Variants in VWA8 observed in about 807,000 individuals in gnomAD.
The protein encoded by VWA8 is von Willebrand factor A domain containing 8.
Under a neutral mutation model 241.5 loss-of-function variants are expected in VWA8, and 221 were observed. The observed-to-expected ratio is 0.91, with a 90% CI of 0.82 to 1.02. VWA8 has a LOEUF of 1.02. Among genes scored for constraint, VWA8 ranks in the 50% least tolerant of loss-of-function variants. The probability of loss-of-function intolerance (pLI) is 0.00; values close to 1 mark genes in which losing one functional copy is unlikely to be tolerated. For synonymous variants in VWA8, 852 were observed against 827.1 expected (o/e 1.03, Z -0.52); for missense variants, 2,322 against 2,328.7 (o/e 1.00, Z 0.06).
intron 37 of VWA8, among the ~76,000 whole-genome samples, chr13:41,652,375 A>G (rs6561008): frequency 0.039 from 5,948 of 152,290 alleles, 145 homozygotes; most frequent in South Asian, 0.078. Context: ...GTGAGCCTGG[A>G]CAAATTACTT....
intron 37 of VWA8, among the ~76,000 whole-genome samples, chr13:41,646,431 T>C (rs2044833014): frequency 6.6e-6 from 1 of 152,234 alleles, no homozygotes; most frequent in African/African-American, 2.4e-5. Flanking sequence ...CTGATATTCA[T>C]AATTCTCCAT....
intron 17 of VWA8, among the ~76,000 whole-genome samples, chr13:41,796,928 T>G (rs1466901242): frequency 2.6e-5 from 4 of 152,222 alleles, no homozygotes; most frequent in African/African-American, 9.6e-5. Flanking sequence ...AAATAGGCTT[T>G]TAAGTGTATT....
In VWA8 at chr13:41,831,964, C is replaced by T. The variant is rs556640431; in HGVS notation, c.1587-1322G>A. On this transcript the variant is annotated intron_variant, in intron 13 of 44. Transcript: ENST00000379310. ...TCTTTTTTTTTGAGACAGAGTCTCG[C>T]TCTGTCACCAGGCTGGAGTGCAGTG... Among the ~76,000 whole-genome samples, 11 of 149,296 alleles carry T rather than the reference C, an allele frequency of 7.4e-5. No individual in the cohort carries two copies. In the South Asian group the frequency reaches 2.1e-3, roughly 29 times the overall value.
At chr13:41,820,914 C>T (rs1242817991) in intron 14 of VWA8, among the ~76,000 whole-genome samples, 2 of 152,142 alleles carry the variant, frequency 1.3e-5, no homozygotes, top group Admixed American at 1.3e-4. Flanking sequence ...CCTCTTCTCT[C>T]CTAGTTAGGA....
chr13:41,882,360 C>T (rs9590646), intron 9 of VWA8, among the ~76,000 whole-genome samples: 119,812 of 147,522 alleles, frequency 0.81, 49,237 homozygotes, highest in East Asian at 1. Context: ...TCCCAGACGA[C>T]GGGCGGCCAG....
chr13:41,643,317 T>A (rs946816588), intron 37 of VWA8, among the ~76,000 whole-genome samples: 3 of 152,204 alleles, frequency 2.0e-5, no homozygotes. Context: ...GTTTGTGTGA[T>A]CCTGAACTTT....
intron 24 of VWA8, 119 bp from the exon 25 acceptor site, chr13:41,721,694 CCAA>C: frequency 9.8e-7 from 1 of 1,025,592 alleles, no homozygotes; most frequent in South Asian, 1.7e-5. Flanking sequence ...GAAAGCCCAT[CCAA>C]CAATAGGATG....
chr13:41,602,818 GAT>G (rs748671622), intron 40 of VWA8, among the ~76,000 whole-genome samples: 4 of 152,068 alleles, frequency 2.6e-5, no homozygotes, highest in Non-Finnish European at 5.9e-5. Context: ...TGACAATGAC[GAT>G]GTAAAGCACC....
intron 37 of VWA8, among the ~76,000 whole-genome samples, chr13:41,659,326 C>G (rs922834128): frequency 6.6e-6 from 1 of 152,238 alleles, no homozygotes; most frequent in Non-Finnish European, 1.5e-5. Context: ...CTTAACAGCT[C>G]TGTGCTTCGG....
chr13:41,948,436 A>AT (rs1566048910), intron 2 of VWA8, among the ~76,000 whole-genome samples: 1 of 152,232 alleles, frequency 6.6e-6, no homozygotes, highest in African/African-American at 2.4e-5. Context: ...AAAACGTTAG[A>AT]TAACAGTATG....
chr13:41,770,901 C>CAAAAAAAAAAAAAA (rs71096541), intron 20 of VWA8, among the ~76,000 whole-genome samples: 1 of 98,384 alleles, frequency 1.0e-5, no homozygotes, highest in Non-Finnish European at 2.0e-5. Context: ...CTTAAAATGA[C>CAAAAAAAAAAAAAA]AAAAAAAAAA....
At chr13:41,693,009 GTTC>G (rs1195668577) in intron 29 of VWA8, 37 bp from the exon 30 acceptor site, 3 of 1,057,758 alleles carry the variant, frequency 2.8e-6, no homozygotes, top group East Asian at 3.6e-5. Flanking sequence ...CTCAAGATTT[GTTC>G]TTTTTTTTTT....
rs2045392994 is a variant in VWA8, at chr13:41,721,633, GA to G, written c.2759-59del. The G allele has an allele frequency of 8.6e-6, 13 of 1,516,946 alleles. No individual in the cohort carries two copies. In the Admixed American group the frequency reaches 2.8e-4, roughly 32 times the overall value. The allele number at this position is 1,516,946 out of a possible 1,614,324, so 94.0% of individuals were successfully genotyped here. Reference sequence around the variant, plus strand: ...CAACAAATCCATTACGATGTCACAGGAAAAAATGGAATGGTTGTTTAAAGAG... The same window carrying G: ...CAACAAATCCATTACGATGTCACAGGAAAAATGGAATGGTTGTTTAAAGAG... On this transcript the variant is annotated intron_variant, in intron 24 of 44. Transcript: ENST00000379310.
chr13:41,872,166 T>C (rs1443282385), intron 9 of VWA8, among the ~76,000 whole-genome samples: 1 of 152,214 alleles, frequency 6.6e-6, no homozygotes, highest in East Asian at 1.9e-4. Context: ...TGTTTTTTTC[T>C]TGTAAATTTG....
chr13:41,778,124 AAGATAT>A, intron 19 of VWA8, 68 bp from the exon 20 acceptor site: 1 of 1,142,930 alleles, frequency 8.7e-7, no homozygotes, highest in African/African-American at 1.6e-5. Flanking sequence ...GTTAACTATA[AAGATAT>A]CTTTATAGAA....
At chr13:41,888,773 A>T (rs1329354680) in intron 5 of VWA8, among the ~76,000 whole-genome samples, 1 of 152,232 alleles carries the variant, frequency 6.6e-6, no homozygotes, top group Non-Finnish European at 1.5e-5. Context: ...CCTCTAGTGT[A>T]TAACAGGACA....
intron 40 of VWA8, among the ~76,000 whole-genome samples, chr13:41,598,178 T>C (rs569855611): frequency 1.3e-5 from 2 of 152,266 alleles, no homozygotes; most frequent in African/African-American, 2.4e-5. Flanking sequence ...ATTGAACTTA[T>C]ATTTCCCTTA....
chr13:41,885,856 A>T (rs1044878965), intron 8 of VWA8, 64 bp downstream of exon 8: 1 of 1,168,086 alleles, frequency 8.6e-7, no homozygotes, highest in African/African-American at 1.6e-5. Context: ...ATTAATCCCT[A>T]ATGATTAACT....
At chr13:41,920,813 A>T (rs1452762225) in intron 2 of VWA8, among the ~76,000 whole-genome samples, 1 of 152,224 alleles carries the variant, frequency 6.6e-6, no homozygotes, top group Non-Finnish European at 1.5e-5. Flanking sequence ...AACCAAAAAA[A>T]GTCCAGGACC....
Sources: allele counts gnomAD v4.1 joint callset (sites outside exome capture counted in the v4.1 genomes callset), GRCh38; gene constraint gnomAD v4.1.1; transcripts MANE v1.5; gene names NCBI Gene and HGNC (gene_info 2026-07-23, HGNC 2026-07-21).